Variants in DCBLD1 observed in about 807,000 individuals in gnomAD.
The protein encoded by DCBLD1 is discoidin, CUB and LCCL domain containing 1.
In DCBLD1, 57 loss-of-function variants were observed where a neutral mutation model predicts 71.5. That is an observed-to-expected ratio of 0.80 (90% CI 0.64 to 0.99). The LOEUF (loss-of-function observed/expected upper bound fraction) is 0.99. DCBLD1 is among the 50% of genes least tolerant of loss of function. The pLI, the probability that DCBLD1 is intolerant of heterozygous loss-of-function variation, is 0.00. For missense variants in DCBLD1, 891 were observed against 923.5 expected (o/e 0.96, Z 0.46); for synonymous variants, 380 against 363.8 (o/e 1.04, Z -0.51).
At chr6:117,503,160 T>C (rs1277444206) in intron 1 of DCBLD1, among the ~76,000 whole-genome samples, 1 of 138,176 alleles carries the variant, frequency 7.2e-6, no homozygotes, top group Non-Finnish European at 1.5e-5. Context: ...GCACTCAACA[T>C]AGTAGATCCT....
At chr6:117,545,626 A>G (rs9688449) in intron 14 of DCBLD1, 29 bp downstream of exon 14, 1 of 1,599,910 alleles carries the variant, frequency 6.3e-7, no homozygotes, top group Non-Finnish European at 8.5e-7. Flanking sequence ...GGACTGTGCT[A>G]TTAGATTGGA....
Position 117,548,527 on chromosome 6 carries a change from CGTGTGTATCGGTGT to C in DCBLD1, c.*96_*109del, listed in dbSNP as rs1779357010. 51 of 1,521,932 alleles carry C rather than the reference CGTGTGTATCGGTGT, an allele frequency of 3.4e-5. 1 individual carries two copies. In the South Asian group the frequency reaches 4.9e-4, roughly 15 times the overall value. 94.3% of individuals were successfully genotyped at this position (1,521,932 alleles called of 1,614,324 possible). A position where few individuals can be genotyped will look rare whatever the true frequency, so the allele number is the denominator to read the frequency against. ...AGGGAGCCTGCTGGTCCAGAGTGTG[CGTGTGTATCGGTGT>C]GTGTGTACACTTGCATGTGTGTGTG... is the stretch of plus-strand genomic sequence containing the variant. On this transcript the variant is annotated 3_prime_UTR_variant, in exon 15 of 15. Transcript: ENST00000338728.
chr6:117,546,903 A>G (rs1280731508), intron 14 of DCBLD1, among the ~76,000 whole-genome samples: 1 of 152,014 alleles, frequency 6.6e-6, no homozygotes, highest in African/African-American at 2.4e-5. Flanking sequence ...CCTAACCCTC[A>G]CCACAGATGC....
chr6:117,562,798 C>A lies in DCBLD1; in HGVS notation c.1616-6822C>A, dbSNP rs1779613167. On this transcript the variant is annotated intron_variant, in intron 14 of 14. Coordinates refer to the DCBLD1 transcript ENST00000296955. The stretch of plus-strand genomic sequence containing the variant: ...AAATTAAGTCAAGCCTATATTTCTA[C>A]AATTCATTGAGTCAAGCTCTGTCTT... 1.9e-5 allele frequency: 4 copies of A among 209,924 alleles called. No individual in the cohort carries two copies. In the South Asian group the frequency reaches 5.6e-4, roughly 30 times the overall value. 13.0% of individuals were successfully genotyped at this position (209,924 alleles called of 1,614,324 possible).
chr6:117,539,023 T>C (rs1779000691), intron 8 of DCBLD1, 188 bp downstream of exon 8: 4 of 712,880 alleles, frequency 5.6e-6, no homozygotes, highest in Admixed American at 3.0e-5. Flanking sequence ...GTTGTAAATA[T>C]GGATATATGG....
chr6:117,517,225 A>G (rs1386376823), intron 2 of DCBLD1, among the ~76,000 whole-genome samples: 1 of 152,244 alleles, frequency 6.6e-6, no homozygotes, highest in African/African-American at 2.4e-5. Flanking sequence ...TAGCCAAACA[A>G]AGGGGCTCAG....
chr6:117,508,750 C>T (rs1036047149), intron 2 of DCBLD1, among the ~76,000 whole-genome samples: 1 of 152,154 alleles, frequency 6.6e-6, no homozygotes, highest in African/African-American at 2.4e-5. Flanking sequence ...TGAAAGGTGA[C>T]CTCCACACTG....
At chr6:117,518,536 G>A (rs1295930155) in intron 2 of DCBLD1, among the ~76,000 whole-genome samples, 1 of 152,152 alleles carries the variant, frequency 6.6e-6, no homozygotes, top group Non-Finnish European at 1.5e-5. Context: ...TTTTCATGCT[G>A]CTGATAAGGA....
At chr6:117,521,416 G>T in intron 3 of DCBLD1, 109 bp from the exon 4 acceptor site, 1 of 890,614 alleles carries the variant, frequency 1.1e-6, no homozygotes, top group South Asian at 1.7e-5. Flanking sequence ...TAACTACATA[G>T]TGAATAAATG....
chr6:117,520,438 C>T (rs1455387636), intron 3 of DCBLD1, among the ~76,000 whole-genome samples: 2 of 152,118 alleles, frequency 1.3e-5, no homozygotes, highest in African/African-American at 2.4e-5. Context: ...GTGTTCCCCT[C>T]CTGACCCTTC....
chr6:117,566,036 A>AC (rs920527268), intron 14 of DCBLD1, among the ~76,000 whole-genome samples: 14 of 152,174 alleles, frequency 9.2e-5, no homozygotes, highest in African/African-American at 3.1e-4. Flanking sequence ...CATCAAAGAT[A>AC]TTTTTAAGCA....
chr6:117,512,618 A>C (rs1026544746), intron 2 of DCBLD1, among the ~76,000 whole-genome samples: 2 of 152,224 alleles, frequency 1.3e-5, no homozygotes, highest in Non-Finnish European at 2.9e-5. Context: ...GGCCACGAGA[A>C]GTACCACTCG....
exon 15 of DCBLD1, chr6:117,569,785 G>C: frequency 1.3e-6 from 2 of 1,490,740 alleles, no homozygotes; most frequent in Non-Finnish European, 1.8e-6. Context: ...GTAAGGTACA[G>C]TTACCGATTA....
At chr6:117,519,708 A>G in intron 2 of DCBLD1, 108 bp from the exon 3 acceptor site, 2 of 1,363,364 alleles carry the variant, frequency 1.5e-6, no homozygotes, top group Non-Finnish European at 2.0e-6. Flanking sequence ...ATAATCATAC[A>G]TATGTATTGT....
rs762365669 is a variant in DCBLD1 at position 117,548,052 on chromosome 6, C to G, written c.1761C>G (p.His587Gln). Residue 587 changes from histidine to glutamine, a missense_variant, in exon 15 of 15, where the codon CAC (histidine) becomes CAG (glutamine). By Grantham distance (24) the His-to-Gln change is conservative. Transcript: ENST00000338728. ...ACTGCCCGCAGCGGGCCGGCCGCCA[C>G]GAGTACGCGCTGCCCCTGGCGCCCC... Reference protein sequence around the residue: ...HYDCPQRAGRHEYALPLAPPE... With the variant: ...HYDCPQRAGRQEYALPLAPPE... The G allele has an allele frequency of 6.5e-7, 1 of 1,549,038 alleles. No individual in the cohort carries two copies. The highest frequency in any genetic ancestry group is 8.7e-7 in the Non-Finnish European group (1 of 1,146,060).
intron 4 of DCBLD1, among the ~76,000 whole-genome samples, chr6:117,524,403 CA>C (rs1443914061): frequency 6.6e-6 from 1 of 152,064 alleles, no homozygotes; most frequent in East Asian, 1.9e-4. Flanking sequence ...GGGGTTTCAC[CA>C]TGTTGGCCAG....
chr6:117,548,962 C>T lies in DCBLD1; in HGVS notation c.*523C>T, dbSNP rs1779371832. On this transcript the variant is annotated 3_prime_UTR_variant, in exon 15 of 15. Transcript: ENST00000338728. ...TGAGTCATTTCCTCTCCTTTGATAA[C>T]TAGAACTGAAAGCATTTTTAACATT... 1 of 986,974 alleles carries T rather than the reference C, an allele frequency of 1.0e-6. No homozygotes were observed. Among genetic ancestry groups the T allele is most frequent in the Non-Finnish European group, 1.2e-6 (1 of 831,122 alleles). The allele number at this position is 986,974 out of a possible 1,614,324, so 61.1% of individuals were successfully genotyped here.
In DCBLD1 at chr6:117,563,099, G is replaced by A. The variant is rs532207172; in HGVS notation, c.1616-6521G>A. The A allele has an allele frequency of 4.6e-5, 29 of 634,832 alleles. No individual in the cohort carries two copies. The South Asian group carries it at 5.5e-4, about 12-fold the overall frequency. The allele number at this position is 634,832 out of a possible 1,614,324, so 39.3% of individuals were successfully genotyped here. A position where few individuals can be genotyped will look rare whatever the true frequency, so the allele number is the denominator to read the frequency against. Reference sequence around the variant, plus strand: ...TACCACAGAAAACAGGGTGTTTTATGCATTGAGAATTGTTCACATGAAGCC... The same window carrying A: ...TACCACAGAAAACAGGGTGTTTTATACATTGAGAATTGTTCACATGAAGCC... On this transcript the variant is annotated intron_variant, in intron 14 of 14. Coordinates refer to the DCBLD1 transcript ENST00000296955.
intron 1 of DCBLD1, among the ~76,000 whole-genome samples, chr6:117,494,031 G>A (rs1024883363): frequency 1.1e-4 from 16 of 152,102 alleles, no homozygotes; most frequent in Admixed American, 9.8e-4. Flanking sequence ...TATCAGATAT[G>A]GTTGTCATGA....
Sources: gnomAD v4.1 joint callset for allele counts (sites outside exome capture counted in the v4.1 genomes callset) on GRCh38, gnomAD v4.1.1 for gene constraint, MANE v1.5 for transcripts, NCBI Gene and HGNC (gene_info 2026-07-23, HGNC 2026-07-21) for gene names.